HIC1: variants seen among roughly 807,000 people sequenced by gnomAD.
HIC1 encodes hypermethylated in cancer 1 protein.
HIC1 carries 9 observed loss-of-function variants against 26.4 expected under a neutral mutation model. The ratio of observed to expected loss-of-function variants is 0.34; its 90% confidence interval spans 0.21 to 0.59. The LOEUF (loss-of-function observed/expected upper bound fraction) is 0.59, where lower values mean the gene tolerates loss of function less well. Among genes scored for constraint, HIC1 ranks in the 20% least tolerant of loss-of-function variants. The probability of loss-of-function intolerance (pLI) is 0.82; values close to 1 mark genes in which losing one functional copy is unlikely to be tolerated. For synonymous variants in HIC1, 631 were observed against 523.1 expected (o/e 1.21, Z -2.81); for missense variants, 965 against 1,075.7 (o/e 0.90, Z 1.44).
intron 1 of HIC1, chr17:2,056,348 T>G (rs2067672489): frequency 3.1e-6 from 5 of 1,613,080 alleles, no homozygotes; most frequent in Non-Finnish European, 3.4e-6. Context: ...TTAAATCGGG[T>G]AACTGTCTCC....
Position 2,057,117 on chromosome 17 carries a change from G to A in HIC1, c.427G>A (p.Gly143Ser). 7.6e-7 allele frequency: 1 copy of A among 1,311,172 alleles called. No homozygotes were observed. Among genetic ancestry groups the A allele is most frequent in the South Asian group, 2.3e-5 (1 of 43,466 alleles). The allele number at this position is 1,311,172 out of a possible 1,614,324, so 81.2% of individuals were successfully genotyped here. ...HGKYCHLRGG[G>S]GGGGGYAPYG... ...CAAGTACTGCCACCTGCGGGGCGGC[G>A]GCGGCGGCGGCGGCGGCTACGCGCC... The change falls in exon 2 of 2, where the codon GGC (glycine) becomes AGC (serine). Residue 143 changes from glycine to serine, a missense_variant. Around this residue, in one of 6 missense-constraint regions of HIC1, gnomAD observed 526 missense variants for 525.0 expected, o/e 1.00. Transcript: ENST00000619757.
chr17:2,061,464 A>AC lies in HIC1; in HGVS notation c.*2630dup, dbSNP rs567513304. On this transcript the variant is annotated 3_prime_UTR_variant, in exon 2 of 2. Coordinates refer to ENST00000619757, the MANE Select transcript of HIC1 (RefSeq NM_006497.4). ...CTGGTGGCCTTTCAGGAACGGTTCC[A>AC]CGGGGGGGGGGCCCCAGTGTGGCTC... 2.3e-3 allele frequency: 2,804 copies of AC among 1,240,004 alleles called. 28 individuals carry two copies. In the African/African-American group the frequency reaches 0.051, roughly 22 times the overall value. 76.8% of individuals were successfully genotyped at this position (1,240,004 alleles called of 1,614,324 possible).
rs1363965538 is a variant in HIC1 at position 2,058,942 on chromosome 17, C to G, written c.*107C>G. The G allele has an allele frequency of 1.9e-6, 2 of 1,032,324 alleles. No homozygotes were observed. Among genetic ancestry groups the G allele is most frequent in the Non-Finnish European group, 1.3e-6 (1 of 761,018 alleles). 63.9% of individuals were successfully genotyped at this position (1,032,324 alleles called of 1,614,324 possible). On this transcript the variant is annotated 3_prime_UTR_variant, in exon 2 of 2. Coordinates refer to ENST00000619757, the MANE Select transcript of HIC1 (RefSeq NM_006497.4). ...CCCACTGTGCCCGGGACAACCGCAG[C>G]GTCGCCACAGTGGCGGCTCCACCTC...
rs558385917 is a variant in HIC1 at position 2,061,468 on chromosome 17, G to A, written c.*2633G>A. On this transcript the variant is annotated 3_prime_UTR_variant, in exon 2 of 2. Transcript: ENST00000619757. ...TGGCCTTTCAGGAACGGTTCCACGGGGGGGGGGCCCCAGTGTGGCTCCCTC... is the reference window on the plus strand; with the variant it reads ...TGGCCTTTCAGGAACGGTTCCACGGAGGGGGGGCCCCAGTGTGGCTCCCTC... The A allele has an allele frequency of 2.4e-5, 37 of 1,565,180 alleles. No individual in the cohort carries two copies. The highest frequency in any genetic ancestry group is 2.2e-4 in the African/African-American group (16 of 73,946).
In HIC1 at chr17:2,061,301, G is replaced by A. The variant is rs1309996410; in HGVS notation, c.*2466G>A. ...GCCCAGGAGGGTCCCAGCAGCTTCCGCCCGATCCTTGGGAGGGGCTCTGTG... is the reference window on the plus strand; with the variant it reads ...GCCCAGGAGGGTCCCAGCAGCTTCCACCCGATCCTTGGGAGGGGCTCTGTG... On this transcript the variant is annotated 3_prime_UTR_variant, in exon 2 of 2. Coordinates refer to ENST00000619757, the MANE Select transcript of HIC1 (RefSeq NM_006497.4). 8 of 597,152 alleles carry A rather than the reference G, an allele frequency of 1.3e-5. No homozygotes were observed. The highest frequency in any genetic ancestry group is 2.0e-5 in the Non-Finnish European group (7 of 348,366). The allele number at this position is 597,152 out of a possible 1,614,324, so 37.0% of individuals were successfully genotyped here.
rs982386037 is a variant in HIC1 at position 2,059,190 on chromosome 17, C to T, written c.*355C>T. 4 of 241,362 alleles carry T rather than the reference C, an allele frequency of 1.7e-5. No individual in the cohort carries two copies. The highest frequency in any genetic ancestry group is 3.4e-5 in the Non-Finnish European group (4 of 117,012). The allele number at this position is 241,362 out of a possible 1,614,324, so 15.0% of individuals were successfully genotyped here. ...GAGGGGTGTCACTGTCGGGGCACTC[C>T]TAGCCCTACCTCCGGCCCTTGCGAC... On this transcript the variant is annotated 3_prime_UTR_variant, in exon 2 of 2. Transcript: ENST00000619757.
chr17:2,061,103 A>T lies in HIC1; in HGVS notation c.*2268A>T, dbSNP rs903157. 139,668 of 178,852 alleles carry T rather than the reference A, an allele frequency of 0.78. 54,818 individuals are homozygous for T. The highest frequency in any genetic ancestry group is 0.93 in the East Asian group (6,131 of 6,560). The allele number at this position is 178,852 out of a possible 1,614,324, so 11.1% of individuals were successfully genotyped here. On this transcript the variant is annotated 3_prime_UTR_variant, in exon 2 of 2. Coordinates refer to ENST00000619757, the MANE Select transcript of HIC1 (RefSeq NM_006497.4). ...ATTTCACTGCATCTGACGGAAACTC[A>T]GAACCCCTGCCCTGTCTCCACTGGA...
chr17:2,058,516 TG>T lies in HIC1; in HGVS notation c.1833del (p.Leu612SerfsTer30). The T allele has an allele frequency of 2.7e-6, 4 of 1,496,966 alleles. No individual in the cohort carries two copies. Among genetic ancestry groups the T allele is most frequent in the Non-Finnish European group, 3.5e-6 (4 of 1,128,928 alleles). 92.7% of individuals were successfully genotyped at this position (1,496,966 alleles called of 1,614,324 possible). ...AAGAAGALAG[L>X]GGLPGVPGPD... ...GGCGCGGCCGGGGCGCTGGCGGGCT[TG>T]GGGGGGCTCCCCGGCGTCCCCGGCC... On this transcript the variant is annotated frameshift_variant, in exon 2 of 2. Transcript: ENST00000619757. LOFTEE classifies it high-confidence loss of function.
rs773285181 is a variant in HIC1, at chr17:2,057,673, G to C, written c.983G>C (p.Arg328Pro). ...GGTAGCTATGGCGACGAGCTGGGCC[G>C]GGAGCGCGGCTCCCCCAGCGAGCGC... is the stretch of plus-strand genomic sequence containing the variant. ...GLGSYGDELG[R>P]ERGSPSERCE... is the part of the protein sequence containing the mutation. The change falls in exon 2 of 2, where the codon CGG (arginine) becomes CCG (proline). Residue 328 changes from arginine to proline, a missense_variant. Coordinates refer to ENST00000619757, the MANE Select transcript of HIC1 (RefSeq NM_006497.4). The C allele has an allele frequency of 1.3e-6, 2 of 1,506,124 alleles. No homozygotes were observed. The highest frequency in any genetic ancestry group is 8.8e-7 in the Non-Finnish European group (1 of 1,134,806). The allele number at this position is 1,506,124 out of a possible 1,614,324, so 93.3% of individuals were successfully genotyped here.
Position 2,058,885 on chromosome 17 carries a change from A to T in HIC1, c.*50A>T. 1 of 1,354,826 alleles carries T rather than the reference A, an allele frequency of 7.4e-7. No individual in the cohort carries two copies. The highest frequency in any genetic ancestry group is 9.5e-7 in the Non-Finnish European group (1 of 1,048,214). 83.9% of individuals were successfully genotyped at this position (1,354,826 alleles called of 1,614,324 possible). A position where few individuals can be genotyped will look rare whatever the true frequency, so the allele number is the denominator to read the frequency against. On this transcript the variant is annotated 3_prime_UTR_variant, in exon 2 of 2. Coordinates refer to ENST00000619757, the MANE Select transcript of HIC1 (RefSeq NM_006497.4). ...TCGCTGCTGCGCGGCCCTGGCCCGC[A>T]CCCCAGGGAGCGGCGGGGGCGGCGC... is the stretch of plus-strand genomic sequence containing the variant.
In HIC1 at chr17:2,055,426, C is replaced by T. The variant is rs918667492; in HGVS notation, c.-21+188C>T. On this transcript the variant is annotated intron_variant, in intron 1 of 1. Transcript: ENST00000619757. This position sits in a 1 kb window ranked among gnomAD's most constrained non-coding sequence, Gnocchi z 6.4. ...GGGCCGCGGCTCCGCGCCGGGTTCA[C>T]GGCGGGGTCAGCGGCCCGGGGCCGG... Among the ~76,000 whole-genome samples, 1 of 144,024 alleles carries T rather than the reference C, an allele frequency of 6.9e-6. No individual in the cohort carries two copies. Among genetic ancestry groups the T allele is most frequent in the Non-Finnish European group, 1.5e-5 (1 of 65,682 alleles). 94.5% of individuals were successfully genotyped at this position (144,024 alleles called of 152,430 possible).
Position 2,059,256 on chromosome 17 carries a change from G to C in HIC1, c.*421G>C, listed in dbSNP as rs1262616366. The C allele has an allele frequency of 5.5e-6, 1 of 183,062 alleles. No homozygotes were observed. The highest frequency in any genetic ancestry group is 1.3e-5 in the Non-Finnish European group (1 of 79,504). The allele number at this position is 183,062 out of a possible 1,614,324, so 11.3% of individuals were successfully genotyped here. A position where few individuals can be genotyped will look rare whatever the true frequency, so the allele number is the denominator to read the frequency against. On this transcript the variant is annotated 3_prime_UTR_variant, in exon 2 of 2. Coordinates refer to ENST00000619757, the MANE Select transcript of HIC1 (RefSeq NM_006497.4). ...TGTGAATCTCCCCGCTGGGGTCGGA[G>C]CGTCGGGCAGAGTTGGGGAGTGGGG...
At position 2,055,527 on chromosome 17, in the gene HIC1, G is replaced by A. The variant is rs923418139; in HGVS notation, c.-21+289G>A. ...GCTGGCGGGCGGGGCTGGCAGGGGCGCTGCCCTGGCACAGCTCGGGGCCTG... is the reference window on the plus strand; with the variant it reads ...GCTGGCGGGCGGGGCTGGCAGGGGCACTGCCCTGGCACAGCTCGGGGCCTG... On this transcript the variant is annotated intron_variant, in intron 1 of 1. Coordinates refer to ENST00000619757, the MANE Select transcript of HIC1 (RefSeq NM_006497.4). The surrounding 1 kb of genome is among the most constrained non-coding windows in gnomAD (Gnocchi z 6.4). Among the ~76,000 whole-genome samples, 1 of 151,664 alleles carries A rather than the reference G, an allele frequency of 6.6e-6. No individual in the cohort carries two copies. The highest frequency in any genetic ancestry group is 1.5e-5 in the Non-Finnish European group (1 of 67,816).
At position 2,056,980 on chromosome 17, in the gene HIC1, C is replaced by CGGCCGT. The variant is rs1438998399; in HGVS notation, c.295_300dup (p.Val99_Ala100dup). On this transcript the variant is annotated inframe_insertion, in exon 2 of 2. Transcript: ENST00000619757. Reference sequence around the variant, plus strand: ...GACGGCGCAGAGGCGGCTGCGGCCGCGGCCGTGGCCCCGGGGGCTGAGCCG... The same window carrying CGGCCGT: ...GACGGCGCAGAGGCGGCTGCGGCCGCGGCCGTGGCCGTGGCCCCGGGGGCTGAGCCG... 6.4e-7 allele frequency: 1 copy of CGGCCGT among 1,569,952 alleles called. No homozygotes were observed. Among genetic ancestry groups the CGGCCGT allele is most frequent in the South Asian group, 1.2e-5 (1 of 86,410 alleles).
Position 2,055,788 on chromosome 17 carries a change from C to G in HIC1, c.-21+550C>G, listed in dbSNP as rs2067666288. Among the ~76,000 whole-genome samples the G allele has an allele frequency of 6.6e-6, 1 of 151,784 alleles. No individual in the cohort carries two copies. Among genetic ancestry groups the G allele is most frequent in the Admixed American group, 6.6e-5 (1 of 15,246 alleles). ...GCCTGGGGCCGGCGCACTCCTCCCG[C>G]CCTGTCTGCAGTTGGAAAACTTTTC... is the stretch of plus-strand genomic sequence containing the variant. On this transcript the variant is annotated intron_variant, in intron 1 of 1. Transcript: ENST00000619757. The surrounding 1 kb of genome is among the most constrained non-coding windows in gnomAD (Gnocchi z 6.4).
rs2067747605 is a variant in HIC1 at position 2,060,682 on chromosome 17, C to T, written c.*1847C>T. 1 of 152,194 alleles carries T rather than the reference C, an allele frequency of 6.6e-6. No homozygotes were observed. Among genetic ancestry groups the T allele is most frequent in the Non-Finnish European group, 1.5e-5 (1 of 68,130 alleles). The allele number at this position is 152,194 out of a possible 1,614,324, so 9.4% of individuals were successfully genotyped here. On this transcript the variant is annotated 3_prime_UTR_variant, in exon 2 of 2. Transcript: ENST00000619757. ...GGAGCTGAGGGGAGTCAGGACATTT[C>T]CTGAAGAGGAAGCTAGACGGAAAGA... is the stretch of plus-strand genomic sequence containing the variant.
At position 2,061,467 on chromosome 17, in the gene HIC1, G is replaced by GA. The variant is rs773744379; in HGVS notation, c.*2632_*2633insA. On this transcript the variant is annotated 3_prime_UTR_variant, in exon 2 of 2. Transcript: ENST00000619757. ...GTGGCCTTTCAGGAACGGTTCCACGGGGGGGGGGCCCCAGTGTGGCTCCCT... is the reference window on the plus strand; with the variant it reads ...GTGGCCTTTCAGGAACGGTTCCACGGAGGGGGGGGCCCCAGTGTGGCTCCCT... 6.3e-5 allele frequency: 98 copies of GA among 1,559,668 alleles called. No individual in the cohort carries two copies. In the Middle Eastern group the frequency reaches 1.7e-3, roughly 27 times the overall value.
chr17:2,056,526 G>C, intron 1 of HIC1, 145 bp from the exon 2 acceptor site: 1 of 1,356,796 alleles, frequency 7.4e-7, no homozygotes, highest in Admixed American at 2.3e-5. Context: ...CCAGAGGGCA[G>C]CCGGTCCTTC....
intron 1 of HIC1, 189 bp from the exon 2 acceptor site, chr17:2,056,482 T>A: frequency 2.2e-6 from 3 of 1,340,224 alleles, no homozygotes; most frequent in Middle Eastern, 2.3e-4. Flanking sequence ...CTGCTCCTTC[T>A]CCTGGTCCGG....
Sources: allele counts gnomAD v4.1 joint callset (sites outside exome capture counted in the v4.1 genomes callset), GRCh38; gene constraint gnomAD v4.1.1; regional missense constraint gnomAD v4.1.1; non-coding constraint Gnocchi (gnomAD v3.1); transcripts MANE v1.5; gene names NCBI Gene and HGNC (gene_info 2026-07-23, HGNC 2026-07-21).